The following C2CD5 variants were observed in gnomAD, a reference collection of about 807,000 sequenced individuals.
The protein encoded by C2CD5 is C2 domain-containing protein 5.
C2CD5 carries 109 observed loss-of-function variants against 130.3 expected under a neutral mutation model. The ratio of observed to expected loss-of-function variants is 0.84; its 90% CI spans 0.72 to 0.98. The LOEUF (loss-of-function observed/expected upper bound fraction) is 0.98. Ranked by LOEUF, C2CD5 falls within the 50% of genes least tolerant of loss-of-function variation. The probability of loss-of-function intolerance (pLI) is 0.00; values close to 1 mark genes in which losing one functional copy is unlikely to be tolerated. For synonymous variants in C2CD5, 454 were observed against 429.2 expected, an observed-to-expected ratio of 1.06 and a Z score of -0.71; for missense variants, 996 against 1,261.8, an observed-to-expected ratio of 0.79 and a Z score of 3.19.
At chr12:22,530,215 T>C (rs920518569) in intron 3 of C2CD5, among the ~76,000 whole-genome samples, 4 of 147,064 alleles carry the variant, frequency 2.7e-5, no homozygotes, top group Non-Finnish European at 6.0e-5. Context: ...AGTATATATA[T>C]AACTGTATAT....
intron 10 of C2CD5, among the ~76,000 whole-genome samples, chr12:22,496,774 T>C (rs1947073884): frequency 6.6e-6 from 1 of 151,720 alleles, no homozygotes; most frequent in Admixed American, 6.6e-5. Flanking sequence ...GTAGATAATA[T>C]CGCAAATCTT....
intron 10 of C2CD5, among the ~76,000 whole-genome samples, chr12:22,497,256 C>T (rs1204066869): frequency 1.3e-5 from 2 of 151,964 alleles, no homozygotes; most frequent in Admixed American, 1.3e-4. Flanking sequence ...GTTACCAACA[C>T]TGTACTGTAT....
chr12:22,461,176 A>G (rs1026679231), intron 22 of C2CD5, among the ~76,000 whole-genome samples: 1 of 152,176 alleles, frequency 6.6e-6, no homozygotes. Context: ...AACAGACTCA[A>G]TGGAGAGACT....
chr12:22,492,639 C>G (rs1946496651), intron 11 of C2CD5, among the ~76,000 whole-genome samples: 1 of 152,086 alleles, frequency 6.6e-6, no homozygotes. Flanking sequence ...GATAATGGAA[C>G]AGTAGCGTGG....
intron 22 of C2CD5, among the ~76,000 whole-genome samples, chr12:22,462,341 C>T (rs761021298): frequency 3.9e-5 from 6 of 152,172 alleles, no homozygotes; most frequent in Non-Finnish European, 5.9e-5. Flanking sequence ...AATTAAGCCA[C>T]ACAACAGTCT....
intron 11 of C2CD5, 132 bp from the exon 12 acceptor site, chr12:22,490,350 T>A: frequency 1.9e-6 from 1 of 521,260 alleles, no homozygotes; most frequent in Non-Finnish European, 3.3e-6. Context: ...TAAATAATAT[T>A]TACGAGGTTT....
intron 10 of C2CD5, among the ~76,000 whole-genome samples, chr12:22,498,436 A>ATTCTATAAATATATCCC (rs1947330653): frequency 6.6e-6 from 1 of 152,334 alleles, no homozygotes; most frequent in South Asian, 2.1e-4. Context: ...TGATCTGTAC[A>ATTCTATAAATATATCCC]TTCTATAAAT....
intron 11 of C2CD5, among the ~76,000 whole-genome samples, 169 bp from the exon 12 acceptor site, chr12:22,490,387 G>C (rs529947431): frequency 6.6e-6 from 1 of 152,192 alleles, no homozygotes; most frequent in Admixed American, 6.5e-5. Flanking sequence ...CTAGAAAACA[G>C]AAGTAACTTT....
At chr12:22,513,487 C>G (rs1417596937) in intron 8 of C2CD5, 108 bp from the exon 9 acceptor site, 1 of 761,820 alleles carries the variant, frequency 1.3e-6, no homozygotes, top group Non-Finnish European at 2.4e-6. Flanking sequence ...ATAAAATGAT[C>G]GAAACATTTA....
At chr12:22,543,260 T>C (rs1220381325) in intron 2 of C2CD5, among the ~76,000 whole-genome samples, 1 of 152,272 alleles carries the variant, frequency 6.6e-6, no homozygotes, top group Non-Finnish European at 1.5e-5. Flanking sequence ...TTTCAGACTC[T>C]GGGTTATTAC....
intron 11 of C2CD5, among the ~76,000 whole-genome samples, chr12:22,492,456 C>T (rs1380883648): frequency 2.0e-5 from 3 of 152,010 alleles, no homozygotes; most frequent in African/African-American, 4.8e-5. Context: ...AATTTTAAGG[C>T]GGAACAGTTT....
chr12:22,468,306 C>T (rs1415762708), intron 22 of C2CD5, among the ~76,000 whole-genome samples: 1 of 152,116 alleles, frequency 6.6e-6, no homozygotes, highest in African/African-American at 2.4e-5. Context: ...GTAGCCTTAA[C>T]CTCCTGGGAT....
intron 22 of C2CD5, among the ~76,000 whole-genome samples, chr12:22,462,308 C>G (rs1337164459): frequency 6.6e-6 from 1 of 152,126 alleles, no homozygotes; most frequent in Non-Finnish European, 1.5e-5. Flanking sequence ...GTCAAGATCC[C>G]CCTTCTAGCT....
At chr12:22,539,654 T>C (rs1030768439) in intron 2 of C2CD5, among the ~76,000 whole-genome samples, 2 of 152,150 alleles carry the variant, frequency 1.3e-5, no homozygotes, top group African/African-American at 4.8e-5. Flanking sequence ...ACTTTTACCA[T>C]GTCATGATTT....
chr12:22,496,489 G>T (rs1263480633), intron 10 of C2CD5, among the ~76,000 whole-genome samples: 1 of 151,738 alleles, frequency 6.6e-6, no homozygotes, highest in Non-Finnish European at 1.5e-5. Flanking sequence ...GTTATCTGAA[G>T]GATATACAGC....
intron 12 of C2CD5, 101 bp downstream of exon 12, chr12:22,490,022 G>A (rs1186283612): frequency 2.5e-6 from 2 of 792,112 alleles, no homozygotes; most frequent in Non-Finnish European, 2.1e-6. Context: ...CTGTACCCCT[G>A]TAAGCCACCC....
intron 14 of C2CD5, among the ~76,000 whole-genome samples, chr12:22,478,894 A>T (rs1356783178): frequency 6.6e-6 from 1 of 152,086 alleles, no homozygotes; most frequent in East Asian, 1.9e-4. Flanking sequence ...ATCTTTGCTC[A>T]TTAGGAAGAA....
At chr12:22,535,195 T>TC (rs1426040627) in intron 3 of C2CD5, 63 bp downstream of exon 3, 5 of 866,912 alleles carry the variant, frequency 5.8e-6, no homozygotes, top group Non-Finnish European at 9.8e-6. Flanking sequence ...TTCTCATTAT[T>TC]CCTGAGGGAA....
intron 16 of C2CD5, among the ~76,000 whole-genome samples, chr12:22,474,135 A>C (rs1943481716): frequency 6.6e-6 from 1 of 152,106 alleles, no homozygotes; most frequent in South Asian, 2.1e-4. Flanking sequence ...CTTACATCTT[A>C]ATCATTTATT....
Sources: allele counts gnomAD v4.1 joint callset (sites outside exome capture counted in the v4.1 genomes callset), GRCh38; gene constraint gnomAD v4.1.1; transcripts MANE v1.5; gene names NCBI Gene and HGNC (gene_info 2026-07-23, HGNC 2026-07-21).